The following SOX5 variants were observed in gnomAD, a reference collection of about 807,000 sequenced individuals.
SOX5 encodes the protein transcription factor SOX-5.
In SOX5, 9 loss-of-function variants were observed where a neutral mutation model predicts 92.0. The ratio of observed to expected loss-of-function variants is 0.10; its 90% confidence interval spans 0.06 to 0.17. The LOEUF (loss-of-function observed/expected upper bound fraction) is 0.17. Ranked by LOEUF, SOX5 falls within the 10% of genes least tolerant of loss-of-function variation. The pLI, the probability that SOX5 is intolerant of heterozygous loss-of-function variation, is 1.00. For missense variants in SOX5, 642 were observed against 944.5 expected (o/e 0.68, Z 4.20); for synonymous variants, 344 against 336.3 (o/e 1.02, Z -0.25).
chr12:24,231,318 G>T (rs145178652), intron 3 of SOX5, among the ~76,000 whole-genome samples: 79 of 152,298 alleles, frequency 5.2e-4, no homozygotes, highest in African/African-American at 1.9e-3. Context: ...GCAAATGGAT[G>T]AAACAAGCAA....
intron 3 of SOX5, among the ~76,000 whole-genome samples, chr12:24,225,433 G>A (rs1265255429): frequency 1.3e-5 from 2 of 151,192 alleles, no homozygotes; most frequent in Non-Finnish European, 2.9e-5. Context: ...AAAACTTTTG[G>A]GCATCAGGAA....
chr12:24,436,774 C>T (rs1445908914), intron 1 of SOX5, among the ~76,000 whole-genome samples: 2 of 152,160 alleles, frequency 1.3e-5, no homozygotes, highest in Non-Finnish European at 2.9e-5. Flanking sequence ...GAAGTCAATG[C>T]CTGGCTTCAA....
intron 1 of SOX5, among the ~76,000 whole-genome samples, chr12:24,439,523 T>C (rs1027087997): frequency 6.6e-6 from 1 of 152,230 alleles, no homozygotes; most frequent in African/African-American, 2.4e-5. Flanking sequence ...GGAAGTGAAA[T>C]TTCCATATCA....
chr12:23,589,871 A>T (rs1312147158), intron 9 of SOX5, among the ~76,000 whole-genome samples: 4 of 151,984 alleles, frequency 2.6e-5, no homozygotes, highest in Non-Finnish European at 1.5e-5. Flanking sequence ...CAAGCCAAGT[A>T]TTGTGCTTGG....
chr12:24,110,606 C>T (rs1035069259), intron 4 of SOX5, among the ~76,000 whole-genome samples: 3 of 152,024 alleles, frequency 2.0e-5, no homozygotes, highest in Non-Finnish European at 2.9e-5. Context: ...TGGATTTAGG[C>T]CAGGCATGGT....
chr12:23,938,211 G>A (rs934804376), intron 1 of SOX5, among the ~76,000 whole-genome samples: 1 of 150,956 alleles, frequency 6.6e-6, no homozygotes, highest in South Asian at 2.1e-4. Context: ...TTATATCAGT[G>A]AAAACAATTT....
At chr12:24,088,229 GT>G (rs1458271538) in intron 4 of SOX5, among the ~76,000 whole-genome samples, 2 of 152,028 alleles carry the variant, frequency 1.3e-5, no homozygotes, top group Admixed American at 6.6e-5. Flanking sequence ...CAATTTAAGA[GT>G]AAACATAGAT....
intron 1 of SOX5, among the ~76,000 whole-genome samples, chr12:24,397,108 C>G (rs148052928): frequency 2.1e-3 from 316 of 152,244 alleles, no homozygotes; most frequent in African/African-American, 7.1e-3. Flanking sequence ...GTTTAGAAAC[C>G]CTCCAATCAT....
rs531924687 is a variant in SOX5 at position 24,248,592 on chromosome 12, C to T, written c.-77+28624G>A. Among the ~76,000 whole-genome samples, 5 of 152,268 alleles carry T rather than the reference C, an allele frequency of 3.3e-5. No individual in the cohort carries two copies. The East Asian group carries it at 9.7e-4, about 29-fold the overall frequency. On this transcript the variant is annotated intron_variant, in intron 3 of 4. Coordinates refer to the SOX5 transcript ENST00000446891. ...TAGAGACGGAGTTTTACCATGTTGG[C>T]CAGGCTGGTCTCTAAATCCTGACTT...
chr12:23,958,261 G>T lies in SOX5; in HGVS notation c.-1-62237C>A, dbSNP rs539897806. On this transcript the variant is annotated intron_variant, in intron 4 of 4. Coordinates refer to the SOX5 transcript ENST00000446891. ...TTAATAAGCATTGTTCTTATATTGA[G>T]TGTGTGCCCTGAATTTTATGAGGCA... Among the ~76,000 whole-genome samples the T allele has an allele frequency of 4.6e-5, 7 of 152,076 alleles. 1 individual carries two copies. The South Asian group carries it at 1.5e-3, about 32-fold the overall frequency.
chr12:24,305,119 C>T (rs75923882), intron 2 of SOX5, among the ~76,000 whole-genome samples: 2,585 of 151,902 alleles, frequency 0.017, 76 homozygotes, highest in African/African-American at 0.054. Context: ...GCCTGAGAGT[C>T]GATAATTATG....
At chr12:23,825,036 G>C (rs983828478) in intron 3 of SOX5, among the ~76,000 whole-genome samples, 1 of 152,162 alleles carries the variant, frequency 6.6e-6, no homozygotes, top group Non-Finnish European at 1.5e-5. Context: ...CTCCATGGGG[G>C]TGGGATCTGC....
chr12:23,973,847 C>T (rs1948621729), intron 4 of SOX5, among the ~76,000 whole-genome samples: 1 of 152,140 alleles, frequency 6.6e-6, no homozygotes, highest in Non-Finnish European at 1.5e-5. Flanking sequence ...GGGAACTGCA[C>T]ATGCGAGGGA....
intron 4 of SOX5, among the ~76,000 whole-genome samples, chr12:24,201,764 T>G (rs1454132821): frequency 6.6e-6 from 1 of 152,198 alleles, no homozygotes; most frequent in African/African-American, 2.4e-5. Flanking sequence ...GACATTGTTT[T>G]TAACTTAACC....
chr12:23,991,044 G>GA (rs36120865), intron 4 of SOX5, among the ~76,000 whole-genome samples: 35,827 of 149,996 alleles, frequency 0.24, 4,571 homozygotes, highest in Non-Finnish European at 0.3. Flanking sequence ...TCGTAATACT[G>GA]AAAAAAAAAT....
intron 3 of SOX5, among the ~76,000 whole-genome samples, chr12:24,243,060 C>T (rs1473050872): frequency 6.6e-6 from 1 of 151,936 alleles, no homozygotes; most frequent in Non-Finnish European, 1.5e-5. Context: ...AAGTGTTTAT[C>T]TCTGGGAAAA....
chr12:24,554,670 C>T (rs12296410), intron 1 of SOX5, among the ~76,000 whole-genome samples: 36,480 of 151,972 alleles, frequency 0.24, 5,017 homozygotes, highest in African/African-American at 0.37. Flanking sequence ...CCTACTGAAA[C>T]TCACAGGCTA....
intron 4 of SOX5, among the ~76,000 whole-genome samples, chr12:24,152,081 C>T (rs1951714208): frequency 6.6e-6 from 1 of 152,096 alleles, no homozygotes; most frequent in South Asian, 2.1e-4. Context: ...GATTTGTTTT[C>T]CAACACACCA....
intron 4 of SOX5, among the ~76,000 whole-genome samples, chr12:24,147,431 C>G (rs1951197778): frequency 6.6e-6 from 1 of 152,072 alleles, no homozygotes; most frequent in Admixed American, 6.6e-5. Flanking sequence ...ATATTCTCAC[C>G]ACGATGAAGA....
Sources: allele counts gnomAD v4.1 joint callset (sites outside exome capture counted in the v4.1 genomes callset), GRCh38; gene constraint gnomAD v4.1.1; transcripts MANE v1.5; gene names NCBI Gene and HGNC (gene_info 2026-07-23, HGNC 2026-07-21).